The following IMMP2L variants were observed in gnomAD, a reference collection of about 807,000 sequenced individuals.
IMMP2L encodes inner mitochondrial membrane peptidase subunit 2.
Under a neutral mutation model 19.3 loss-of-function variants are expected in IMMP2L, and 18 were observed. The observed-to-expected ratio is 0.93, with a 90% CI of 0.64 to 1.38. The LOEUF (loss-of-function observed/expected upper bound fraction) is 1.38, where lower values mean the gene tolerates loss of function less well. Ranked by LOEUF, IMMP2L falls within the 40% of genes most tolerant of loss-of-function variation. IMMP2L has a pLI of 0.00. For missense variants in IMMP2L, 233 were observed against 218.2 expected (o/e 1.07, Z -0.43); for synonymous variants, 76 against 73.0 (o/e 1.04, Z -0.21).
intron 1 of IMMP2L, among the ~76,000 whole-genome samples, chr7:111,553,114 A>T (rs1004688322): frequency 6.6e-6 from 1 of 152,126 alleles, no homozygotes; most frequent in Non-Finnish European, 1.5e-5. Context: ...GATAACAAAC[A>T]ATCATTGTTG....
At chr7:110,866,232 A>C (rs1807965089) in intron 5 of IMMP2L, among the ~76,000 whole-genome samples, 1 of 152,008 alleles carries the variant, frequency 6.6e-6, no homozygotes, top group Admixed American at 6.6e-5. Context: ...AGAAAAGATT[A>C]AAAGAACTAC....
chr7:110,967,763 T>G (rs559910233), intron 3 of IMMP2L, among the ~76,000 whole-genome samples: 1 of 152,258 alleles, frequency 6.6e-6, no homozygotes, highest in South Asian at 2.1e-4. Context: ...CATTAAGCCA[T>G]ATAACTTTAC....
intron 3 of IMMP2L, among the ~76,000 whole-genome samples, chr7:111,344,391 G>T (rs541344443): frequency 2.0e-5 from 3 of 152,206 alleles, no homozygotes; most frequent in African/African-American, 4.8e-5. Flanking sequence ...CAGTTTCAAT[G>T]TAATACCTCT....
intron 3 of IMMP2L, among the ~76,000 whole-genome samples, chr7:110,992,803 A>C (rs1268246053): frequency 6.6e-6 from 1 of 152,144 alleles, no homozygotes; most frequent in African/African-American, 2.4e-5. Flanking sequence ...TGCTATAATT[A>C]ATGCTTATTC....
intron 3 of IMMP2L, among the ~76,000 whole-genome samples, chr7:111,413,033 A>G (rs930994309): frequency 2.8e-5 from 3 of 106,610 alleles, no homozygotes; most frequent in South Asian, 5.0e-4. Context: ...AAATTAACAA[A>G]TATCAGAAAT....
chr7:110,970,827 T>C (rs533667340), intron 3 of IMMP2L, among the ~76,000 whole-genome samples: 2 of 152,176 alleles, frequency 1.3e-5, no homozygotes, highest in South Asian at 4.1e-4. Flanking sequence ...TAAAACAAAA[T>C]TAACTGCTCT....
intron 3 of IMMP2L, among the ~76,000 whole-genome samples, chr7:111,375,998 T>C (rs1436103233): frequency 6.6e-6 from 1 of 152,112 alleles, no homozygotes; most frequent in African/African-American, 2.4e-5. Context: ...TTTAAAGAAC[T>C]CAGGCTCTGG....
chr7:110,763,012 C>T (rs1016612680), intron 5 of IMMP2L, among the ~76,000 whole-genome samples: 2 of 152,038 alleles, frequency 1.3e-5, no homozygotes, highest in Non-Finnish European at 2.9e-5. Context: ...GGAATAGCTC[C>T]ATGGTAACAG....
At chr7:111,286,105 T>A (rs1820449136) in intron 3 of IMMP2L, among the ~76,000 whole-genome samples, 1 of 152,110 alleles carries the variant, frequency 6.6e-6, no homozygotes, top group Non-Finnish European at 1.5e-5. Flanking sequence ...CTAAAAAGAC[T>A]AATTATTGAG....
At position 111,413,724 on chromosome 7, in the gene IMMP2L, C is replaced by CT. The variant is rs1234754256; in HGVS notation, c.239+73513dup. 1.5e-4 allele frequency among the ~76,000 whole-genome samples: 12 copies of CT among 81,848 alleles called. No individual in the cohort carries two copies. The East Asian group carries it at 2.4e-3, about 16-fold the overall frequency. The allele number at this position is 81,848 out of a possible 152,430, so 53.7% of individuals were successfully genotyped here. A position where few individuals can be genotyped will look rare whatever the true frequency, so the allele number is the denominator to read the frequency against. On this transcript the variant is annotated intron_variant, in intron 3 of 5. Coordinates refer to ENST00000405709, the MANE Select transcript of IMMP2L (RefSeq NM_032549.4). ...AGTGTGCCAGTTATCAACCTCTTGC[C>CT]TGTCAGCTCCAAATTTACCCTTCCC... is the stretch of plus-strand genomic sequence containing the variant.
chr7:111,421,768 T>C (rs576533376), intron 3 of IMMP2L, among the ~76,000 whole-genome samples: 1 of 151,926 alleles, frequency 6.6e-6, no homozygotes, highest in South Asian at 2.1e-4. Flanking sequence ...CCATTGCTTA[T>C]GGTGTTTTAG....
intron 2 of IMMP2L, among the ~76,000 whole-genome samples, chr7:111,515,054 G>A (rs1003599710): frequency 1.3e-4 from 20 of 152,008 alleles, no homozygotes; most frequent in South Asian, 4.2e-4. Context: ...AGTCTAGTTC[G>A]GCTAATGGTT....
At chr7:111,334,027 G>T (rs1178275168) in intron 3 of IMMP2L, among the ~76,000 whole-genome samples, 1 of 151,816 alleles carries the variant, frequency 6.6e-6, no homozygotes, top group Non-Finnish European at 1.5e-5. Flanking sequence ...TTAGGTGAAG[G>T]GGTAAATACA....
chr7:110,990,654 T>C (rs1342737537), intron 3 of IMMP2L, among the ~76,000 whole-genome samples: 1 of 152,186 alleles, frequency 6.6e-6, no homozygotes, highest in African/African-American at 2.4e-5. Flanking sequence ...AACCCTTCAT[T>C]ATCTGGTAGC....
intron 3 of IMMP2L, among the ~76,000 whole-genome samples, chr7:111,072,814 G>T (rs1253812857): frequency 6.6e-6 from 1 of 150,776 alleles, no homozygotes; most frequent in Non-Finnish European, 1.5e-5. Flanking sequence ...AGAATAGTGT[G>T]AACCCAGGAG....
chr7:110,787,400 A>C (rs1800155665), intron 5 of IMMP2L, among the ~76,000 whole-genome samples: 1 of 151,900 alleles, frequency 6.6e-6, no homozygotes, highest in Admixed American at 6.6e-5. Context: ...TGATCAGTTG[A>C]GGGTAGAGGA....
At chr7:111,168,032 CA>C (rs1562879179) in intron 3 of IMMP2L, among the ~76,000 whole-genome samples, 1 of 151,792 alleles carries the variant, frequency 6.6e-6, no homozygotes, top group African/African-American at 2.4e-5. Flanking sequence ...TTTATTCAAA[CA>C]GTAAAATTTT....
intron 5 of IMMP2L, among the ~76,000 whole-genome samples, chr7:110,744,687 G>C (rs1260251960): frequency 7.2e-5 from 11 of 152,202 alleles, no homozygotes; most frequent in Non-Finnish European, 1.0e-4. Flanking sequence ...CTAACAAACA[G>C]ATAGGAATAG....
intron 5 of IMMP2L, among the ~76,000 whole-genome samples, chr7:110,673,608 C>T (rs1202559108): frequency 6.6e-6 from 1 of 152,190 alleles, no homozygotes; most frequent in Non-Finnish European, 1.5e-5. Flanking sequence ...TTTCTTCCGG[C>T]AGATATCCTA....
Sources: gnomAD v4.1 joint callset for allele counts (sites outside exome capture counted in the v4.1 genomes callset) on GRCh38, gnomAD v4.1.1 for gene constraint, MANE v1.5 for transcripts, NCBI Gene and HGNC (gene_info 2026-07-23, HGNC 2026-07-21) for gene names.